Variants in GRM6 observed in about 807,000 individuals in gnomAD.
GRM6 encodes glutamate metabotropic receptor 6.
GRM6 carries 73 observed loss-of-function variants against 78.4 expected under a neutral mutation model. The ratio of observed to expected loss-of-function variants is 0.93; its 90% CI spans 0.77 to 1.13. GRM6 has a LOEUF of 1.13. GRM6 is among the 50% of genes most tolerant of loss of function. The probability of loss-of-function intolerance (pLI) is 0.00; values close to 1 mark genes in which losing one functional copy is unlikely to be tolerated. For missense variants in GRM6, 1,251 were observed against 1,256.4 expected, an observed-to-expected ratio of 1.00 and a Z score of 0.07; for synonymous variants, 580 against 555.0, an observed-to-expected ratio of 1.05 and a Z score of -0.63.
chr5:178,984,234 G>A (rs115975364), intron 9 of GRM6, among the ~76,000 whole-genome samples: 5,910 of 152,202 alleles, frequency 0.039, 250 homozygotes, highest in East Asian at 0.22. Flanking sequence ...GCTGCACAGC[G>A]GTAACCACCA....
At chr5:178,985,797 T>C in intron 9 of GRM6, 2 of 514,212 alleles carry the variant, frequency 3.9e-6, no homozygotes, top group Non-Finnish European at 7.3e-6. Context: ...GGTCTTACTC[T>C]GACACCCAAG....
At chr5:178,986,037 C>T (rs945538152) in intron 9 of GRM6, 93 bp downstream of exon 9, 5 of 1,194,036 alleles carry the variant, frequency 4.2e-6, no homozygotes, top group Non-Finnish European at 4.7e-6. Flanking sequence ...GCTGGGACTA[C>T]AGGCGTGTGC....
At position 178,991,670 on chromosome 5, in the gene GRM6, T is replaced by G. The variant is rs1487177899; in HGVS notation, c.722-111A>C. On this transcript the variant is annotated intron_variant, in intron 3 of 10. Transcript: ENST00000517717. The surrounding 1 kb of genome is among the most constrained non-coding windows in gnomAD (Gnocchi z 5.0). ...GGCTGAAGGGTCTGCAGGGGTGAAG[T>G]CTGGCCTGCACCCTCCGCCAAGCCT... 1 of 1,351,174 alleles carries G rather than the reference T, an allele frequency of 7.4e-7. No individual in the cohort carries two copies. The highest frequency in any genetic ancestry group is 1.1e-6 in the Non-Finnish European group (1 of 946,912). 83.7% of individuals were successfully genotyped at this position (1,351,174 alleles called of 1,614,324 possible). A position where few individuals can be genotyped will look rare whatever the true frequency, so the allele number is the denominator to read the frequency against.
intron 9 of GRM6, chr5:178,985,731 C>T (rs1051220323): frequency 1.6e-5 from 7 of 428,896 alleles, no homozygotes; most frequent in Admixed American, 1.1e-4. Flanking sequence ...AACACAGGAA[C>T]CAAAATAGAA....
chr5:178,989,016 C>A lies in GRM6; in HGVS notation c.1273G>T (p.Gly425Trp), dbSNP rs376390640. 18 of 1,613,974 alleles carry A rather than the reference C, an allele frequency of 1.1e-5. No individual in the cohort carries two copies. The African/African-American group carries it at 2.4e-4, about 22-fold the overall frequency. ...LHSMHQALCP[G>W]HTGLCPAMEP... ...ATCGCCGGGCACAGGCCTGTGTGCC[C>A]AGGGCAGAGCGCCTGGTGCATGCTG... Residue 425 changes from glycine (G) to tryptophan (W), a missense_variant, in exon 7 of 11, where the codon GGG (glycine) becomes TGG (tryptophan). Coordinates refer to ENST00000517717, the MANE Select transcript of GRM6 (RefSeq NM_000843.4).
chr5:178,991,851 G>A lies in GRM6; in HGVS notation c.721+16C>T, dbSNP rs3733913. 8.1e-6 allele frequency: 13 copies of A among 1,606,008 alleles called. No homozygotes were observed. Among genetic ancestry groups the A allele is most frequent in the Middle Eastern group, 1.6e-4 (1 of 6,074 alleles). ...CACTATGTAGACTCCTTGGTGCCTC[G>A]GAGCCCCCAGCTCACCAGCCTCTCG... is the stretch of plus-strand genomic sequence containing the variant. On this transcript the variant is annotated intron_variant, in intron 3 of 10. Transcript: ENST00000517717. This position sits in a 1 kb window ranked among gnomAD's most constrained non-coding sequence, Gnocchi z 5.0.
At position 178,994,512 on chromosome 5, in the gene GRM6, C is replaced by G; in HGVS notation, c.433G>C (p.Val145Leu). 1.1e-5 allele frequency: 16 copies of G among 1,423,634 alleles called. No homozygotes were observed. Among genetic ancestry groups the G allele is most frequent in the Non-Finnish European group, 1.5e-5 (16 of 1,093,458 alleles). 88.2% of individuals were successfully genotyped at this position (1,423,634 alleles called of 1,614,324 possible). The change falls in exon 2 of 11, where the codon GTC becomes CTC. Residue 145 changes from valine to leucine, a missense_variant. By Grantham distance (32) the Val-to-Leu change is conservative. Coordinates refer to ENST00000517717, the MANE Select transcript of GRM6 (RefSeq NM_000843.4). ...GCCGAGGCGCCCACGACGGCCACGA[C>G]GCGCTCGGGGGGCGCGGGGCGCAGC... ...PPLRPAPPER[V>L]VAVVGASASS...
rs745743742 is a variant in GRM6 at position 178,986,125 on chromosome 5, C to T, written c.2124+5G>A. On this transcript the variant is annotated splice_donor_5th_base_variant and intron_variant, in intron 9 of 10. Coordinates refer to ENST00000517717, the MANE Select transcript of GRM6 (RefSeq NM_000843.4). ...GCCCTGGCCCTTGGGAGCCTACGGA[C>T]CCACCTGCAGGGAGGTGAGGCTGAA... 37 of 1,612,376 alleles carry T rather than the reference C, an allele frequency of 2.3e-5. No individual in the cohort carries two copies. The East Asian group carries it at 4.2e-4, about 18-fold the overall frequency.
intron 7 of GRM6, 163 bp from the exon 8 acceptor site, chr5:178,987,146 G>A: frequency 4.0e-6 from 3 of 759,052 alleles, no homozygotes; most frequent in Non-Finnish European, 6.8e-6. Context: ...TTCACCCATT[G>A]GGATGGCTTC....
intron 9 of GRM6, chr5:178,985,703 A>C (rs1342682656): frequency 2.2e-4 from 84 of 389,818 alleles, no homozygotes; most frequent in Admixed American, 1.7e-3. Flanking sequence ...ACTCTGTCTA[A>C]AAAAAAAAAA....
At chr5:178,993,639 C>T (rs1312227075) in intron 2 of GRM6, among the ~76,000 whole-genome samples, 2 of 152,168 alleles carry the variant, frequency 1.3e-5, no homozygotes. Flanking sequence ...GCCCCTCCCG[C>T]CACAGAACCC....
chr5:178,989,505 AG>A (rs1760635869), intron 5 of GRM6, 100 bp from the exon 6 acceptor site: 1 of 1,471,562 alleles, frequency 6.8e-7, no homozygotes, highest in South Asian at 1.1e-5. Context: ...AGGAGTGGCC[AG>A]GTGAGCTAGG....
rs1760347079 is a variant in GRM6, at chr5:178,979,528, G to C, written c.*2129C>G. Reference sequence around the variant, plus strand: ...GTGCATCAGAGTTCCTGCCAGAGAGGCCCACAGGCATGAACATGGCAGAGT... The same window carrying C: ...GTGCATCAGAGTTCCTGCCAGAGAGCCCCACAGGCATGAACATGGCAGAGT... On this transcript the variant is annotated 3_prime_UTR_variant, in exon 11 of 11. Transcript: ENST00000517717. 1 of 152,208 alleles carries C rather than the reference G, an allele frequency of 6.6e-6. No homozygotes were observed. The highest frequency in any genetic ancestry group is 1.5e-5 in the Non-Finnish European group (1 of 68,050). 9.4% of individuals were successfully genotyped at this position (152,208 alleles called of 1,614,324 possible). A position where few individuals can be genotyped will look rare whatever the true frequency, so the allele number is the denominator to read the frequency against.
chr5:178,988,667 G>T lies in GRM6; in HGVS notation c.1354+268C>A, dbSNP rs911110120. 6.6e-6 allele frequency among the ~76,000 whole-genome samples: 1 copy of T among 152,188 alleles called. No individual in the cohort carries two copies. Among genetic ancestry groups the T allele is most frequent in the African/African-American group, 2.4e-5 (1 of 41,446 alleles). On this transcript the variant is annotated intron_variant, in intron 7 of 10. Coordinates refer to ENST00000517717, the MANE Select transcript of GRM6 (RefSeq NM_000843.4). This position sits in a 1 kb window ranked among gnomAD's most constrained non-coding sequence, Gnocchi z 6.0. ...GGAGGGGAGTGTGGTGTGACCCACTGGGGGTTCCTGGCAGAAGGGATCAGA... is the reference window on the plus strand; with the variant it reads ...GGAGGGGAGTGTGGTGTGACCCACTTGGGGTTCCTGGCAGAAGGGATCAGA...
rs1189185967 is a variant in GRM6 at position 178,985,600 on chromosome 5, G to A, written c.2124+530C>T. The A allele has an allele frequency of 6.8e-5, 24 of 351,492 alleles. No homozygotes were observed. In the East Asian group the frequency reaches 1.8e-3, roughly 27 times the overall value. The allele number at this position is 351,492 out of a possible 1,614,324, so 21.8% of individuals were successfully genotyped here. A position where few individuals can be genotyped will look rare whatever the true frequency, so the allele number is the denominator to read the frequency against. ...CGCCTGTAGTCCCAGCTACTCGGGA[G>A]GCTGAGGCAGGAGAATGGCGTGAAC... On this transcript the variant is annotated intron_variant, in intron 9 of 10. Coordinates refer to ENST00000517717, the MANE Select transcript of GRM6 (RefSeq NM_000843.4).
intron 10 of GRM6, among the ~76,000 whole-genome samples, chr5:178,982,323 A>G (rs1235377691): frequency 1.3e-5 from 2 of 152,210 alleles, no homozygotes; most frequent in African/African-American, 4.8e-5. Flanking sequence ...CACGCCTGTC[A>G]TCCCAGCACT....
At chr5:178,989,202 CCCCTCCCCACCCTCACCACCCTCCCCA>C (rs754908528) in intron 6 of GRM6, 36 bp downstream of exon 6, 12 of 1,317,514 alleles carry the variant, frequency 9.1e-6, no homozygotes, top group African/African-American at 4.6e-5. Flanking sequence ...TCCCGCCTTC[CCCCTCCCCACCCTCACCACCCTCCCCA>C]CCCTCCCCAC....
At chr5:178,993,756 G>A (rs1054470331) in intron 2 of GRM6, among the ~76,000 whole-genome samples, 2 of 152,120 alleles carry the variant, frequency 1.3e-5, no homozygotes, top group Non-Finnish European at 2.9e-5. Context: ...AGGACTGCAA[G>A]GAACACGCTG....
rs70997654 is a variant in GRM6 at position 178,982,576 on chromosome 5, C to CAA, written c.2436+332_2436+333dup. On this transcript the variant is annotated intron_variant, in intron 10 of 10. Coordinates refer to ENST00000517717, the MANE Select transcript of GRM6 (RefSeq NM_000843.4). ...TGGGCAACAGAGTGAGACTCTGTCTCAAAAAAAAAAAAAAAAAAAAAAAAA... is the reference window on the plus strand; with the variant it reads ...TGGGCAACAGAGTGAGACTCTGTCTCAAAAAAAAAAAAAAAAAAAAAAAAAAA... Among the ~76,000 whole-genome samples the CAA allele has an allele frequency of 9.4e-4, 19 of 20,184 alleles. 3 individuals carry two copies. The highest frequency in any genetic ancestry group is 3.1e-3 in the Admixed American group (3 of 978). The allele number at this position is 20,184 out of a possible 152,430, so 13.2% of individuals were successfully genotyped here. A position where few individuals can be genotyped will look rare whatever the true frequency, so the allele number is the denominator to read the frequency against.
Sources: gnomAD v4.1 joint callset for allele counts (sites outside exome capture counted in the v4.1 genomes callset) on GRCh38, gnomAD v4.1.1 for gene constraint, Gnocchi (gnomAD v3.1) non-coding constraint, MANE v1.5 for transcripts, NCBI Gene and HGNC (gene_info 2026-07-23, HGNC 2026-07-21) for gene names.